Variants in DCC observed in about 807,000 individuals in gnomAD.
The protein encoded by DCC is DCC netrin 1 receptor.
In DCC, 58 loss-of-function variants were observed where a neutral mutation model predicts 172.5. The ratio of observed to expected loss-of-function variants is 0.34; its 90% CI spans 0.27 to 0.42. DCC has a LOEUF of 0.42. Ranked by LOEUF, DCC falls within the 10% of genes least tolerant of loss-of-function variation. The probability of loss-of-function intolerance (pLI) is 1.00; values close to 1 mark genes in which losing one functional copy is unlikely to be tolerated. For missense variants in DCC, 1,740 were observed against 1,791.0 expected (o/e 0.97, Z 0.51); for synonymous variants, 709 against 644.5 (o/e 1.10, Z -1.52).
chr18:53,110,671 G>A (rs891702737), intron 7 of DCC, among the ~76,000 whole-genome samples: 1 of 147,826 alleles, frequency 6.8e-6, no homozygotes, highest in African/African-American at 2.5e-5. Flanking sequence ...CTGGCCATCA[G>A]AGAAATGCAA....
intron 5 of DCC, among the ~76,000 whole-genome samples, chr18:52,987,120 C>A (rs574717187): frequency 1.3e-5 from 2 of 152,216 alleles, no homozygotes; most frequent in South Asian, 4.1e-4. Context: ...CCGCGCCTGG[C>A]CCAGAAGCAA....
rs200481493 is a variant in DCC at position 52,798,753 on chromosome 18, GTA to G, written c.412+46381_412+46382del. Among the ~76,000 whole-genome samples, 72 of 50,358 alleles carry G rather than the reference GTA, an allele frequency of 1.4e-3. No homozygotes were observed. In the East Asian group the frequency reaches 0.026, roughly 18 times the overall value. The allele number at this position is 50,358 out of a possible 152,430, so 33.0% of individuals were successfully genotyped here. ...CCCCAAACCATTCGTATGAAGTTTTGTATCTTTTTTTTTTTTAAGGTGGAGTT... is the reference window on the plus strand; with the variant it reads ...CCCCAAACCATTCGTATGAAGTTTTGTCTTTTTTTTTTTTAAGGTGGAGTT... On this transcript the variant is annotated intron_variant, in intron 2 of 28. Transcript: ENST00000442544.
At chr18:52,693,064 T>C (rs903457572) in intron 1 of DCC, among the ~76,000 whole-genome samples, 2 of 152,068 alleles carry the variant, frequency 1.3e-5, no homozygotes, top group African/African-American at 4.8e-5. Context: ...GAGGTATTGA[T>C]AAGTTAATGG....
intron 9 of DCC, 39 bp from the exon 10 acceptor site, chr18:53,205,177 A>C (rs1568363845): frequency 6.5e-7 from 1 of 1,548,814 alleles, no homozygotes; most frequent in South Asian, 1.1e-5. Context: ...CACTTATCCT[A>C]ATCACTTTTC....
chr18:53,156,155 T>C (rs2054730610), intron 7 of DCC, among the ~76,000 whole-genome samples: 1 of 152,148 alleles, frequency 6.6e-6, no homozygotes, highest in Admixed American at 6.5e-5. Flanking sequence ...TTTTCTACTA[T>C]GAAACATATT....
chr18:53,091,859 CTA>C (rs35776447), intron 7 of DCC, among the ~76,000 whole-genome samples: 38,109 of 140,822 alleles, frequency 0.27, 5,854 homozygotes, highest in East Asian at 0.51. Context: ...ATCAATCTAT[CTA>C]TATATATATA....
intron 13 of DCC, 33 bp from the exon 14 acceptor site, chr18:53,322,014 C>A (rs1032116236): frequency 8.1e-7 from 1 of 1,237,536 alleles, no homozygotes; most frequent in Non-Finnish European, 1.2e-6. Context: ...TGCATAGTAA[C>A]TTTCTTCCCC....
chr18:53,200,507 C>A (rs905422712), intron 9 of DCC, among the ~76,000 whole-genome samples: 1 of 152,118 alleles, frequency 6.6e-6, no homozygotes, highest in Non-Finnish European at 1.5e-5. Flanking sequence ...ACAGTTGCTG[C>A]AATTACTTGC....
At chr18:52,766,058 G>A (rs760980463) in intron 2 of DCC, among the ~76,000 whole-genome samples, 3 of 152,246 alleles carry the variant, frequency 2.0e-5, no homozygotes, top group Admixed American at 6.5e-5. Flanking sequence ...TGGAGGGAGC[G>A]TACAAGTGAA....
At chr18:53,502,590 T>A (rs2046116899) in intron 27 of DCC, among the ~76,000 whole-genome samples, 1 of 152,202 alleles carries the variant, frequency 6.6e-6, no homozygotes, top group Non-Finnish European at 1.5e-5. Flanking sequence ...AACCGATTGA[T>A]GAAGTAAAGT....
At chr18:53,305,869 T>G in intron 13 of DCC, 150 bp downstream of exon 13, 2 of 742,752 alleles carry the variant, frequency 2.7e-6, no homozygotes, top group Non-Finnish European at 4.7e-6. Flanking sequence ...AACCTTTATA[T>G]TTTTAACTTT....
At chr18:52,899,418 A>G (rs2039778688) in intron 2 of DCC, among the ~76,000 whole-genome samples, 1 of 129,262 alleles carries the variant, frequency 7.7e-6, no homozygotes, top group Non-Finnish European at 1.5e-5. Flanking sequence ...CAATGGCACC[A>G]TGTCGGCTCA....
intron 5 of DCC, among the ~76,000 whole-genome samples, chr18:52,986,847 C>G (rs1473670922): frequency 6.9e-6 from 1 of 144,844 alleles, no homozygotes; most frequent in East Asian, 2.3e-4. Flanking sequence ...CACACACACA[C>G]ACACACACAC....
Position 52,920,709 on chromosome 18 carries a change from T to C in DCC, c.698-2998T>C, listed in dbSNP as rs575006445. 8.8e-4 allele frequency among the ~76,000 whole-genome samples: 134 copies of C among 152,296 alleles called. 2 individuals carry two copies. In the Middle Eastern group the frequency reaches 0.01, roughly 12 times the overall value. On this transcript the variant is annotated intron_variant, in intron 3 of 28. Transcript: ENST00000442544. Reference sequence around the variant, plus strand: ...TTAATTGAGTTGAAAATTTATGTCCTGATAAAAATGTATGCTTGAATGTTT... The same window carrying C: ...TTAATTGAGTTGAAAATTTATGTCCCGATAAAAATGTATGCTTGAATGTTT...
Position 53,322,063 on chromosome 18 carries a change from T to G in DCC, c.2070T>G (p.Ser690Arg). ...WYLFTGLEKG[S>R]QYSFQVSAMT... is the part of the protein sequence containing the mutation. ...CTTTCATAGGACTGGAGAAAGGAAG[T>G]CAGTACAGTTTCCAGGTGTCAGCCA... The change falls in exon 14 of 29, where the codon AGT becomes AGG. Residue 690 changes from serine to arginine, a missense_variant. This residue lies in a region of DCC where 1,732 missense variants were observed against 1,767.4 expected (regional missense o/e 0.98). Transcript: ENST00000442544. 6.2e-7 allele frequency: 1 copy of G among 1,603,206 alleles called. No homozygotes were observed. The highest frequency in any genetic ancestry group is 8.5e-7 in the Non-Finnish European group (1 of 1,169,986).
chr18:52,883,021 GTT>G (rs2039509812), intron 2 of DCC, among the ~76,000 whole-genome samples: 1 of 152,020 alleles, frequency 6.6e-6, no homozygotes, highest in Non-Finnish European at 1.5e-5. Flanking sequence ...TTTCTCTCCT[GTT>G]ACAGTTTTGG....
chr18:52,534,453 G>A (rs1192823598), intron 1 of DCC, among the ~76,000 whole-genome samples: 5 of 151,912 alleles, frequency 3.3e-5, no homozygotes, highest in African/African-American at 1.2e-4. Flanking sequence ...ACACATTTTG[G>A]CCAGCTTGCC....
chr18:52,812,508 A>G (rs1316654367), intron 2 of DCC, among the ~76,000 whole-genome samples: 2 of 152,220 alleles, frequency 1.3e-5, no homozygotes, highest in African/African-American at 4.8e-5. Flanking sequence ...TGCTCATCAA[A>G]GGTCTTAAAG....
chr18:52,470,828 G>A (rs1478567830), intron 1 of DCC, among the ~76,000 whole-genome samples: 4 of 152,178 alleles, frequency 2.6e-5, no homozygotes, highest in African/African-American at 4.8e-5. Context: ...AGAATTAAAT[G>A]CTGAGGGCAG....
Sources: allele counts gnomAD v4.1 joint callset (sites outside exome capture counted in the v4.1 genomes callset), GRCh38; gene constraint gnomAD v4.1.1; regional missense constraint gnomAD v4.1.1; transcripts MANE v1.5; gene names NCBI Gene and HGNC (gene_info 2026-07-23, HGNC 2026-07-21).